Variants in CYP26A1 observed in about 807,000 individuals in gnomAD.
CYP26A1 encodes cytochrome P450 family 26 subfamily A member 1.
In CYP26A1, 46 loss-of-function variants were observed where a neutral mutation model predicts 47.4. The ratio of observed to expected loss-of-function variants is 0.97; its 90% CI spans 0.77 to 1.24. The LOEUF is 1.24. Among genes scored for constraint, CYP26A1 ranks in the 50% most tolerant of loss-of-function variants. The pLI is 0.00. For synonymous variants in CYP26A1, 277 were observed against 263.7 expected (o/e 1.05, Z -0.49); for missense variants, 680 against 644.4 (o/e 1.06, Z -0.60).
Position 93,074,318 on chromosome 10 carries a change from TC to T in CYP26A1, c.202del (p.Leu68CysfsTer3). 2 of 1,604,628 alleles carry T rather than the reference TC, an allele frequency of 1.2e-6. No homozygotes were observed. The highest frequency in any genetic ancestry group is 1.7e-6 in the Non-Finnish European group (2 of 1,172,332). On this transcript the variant is annotated frameshift_variant, in exon 2 of 7. Coordinates refer to ENST00000224356, the MANE Select transcript of CYP26A1 (RefSeq NM_000783.4). LOFTEE classifies it high-confidence loss of function. This position sits in a 1 kb window ranked among gnomAD's most constrained non-coding sequence, Gnocchi z 5.3. Reference sequence around the variant, plus strand: ...GCCTTCCTCCCACAGCGGAGGAAGTTCCTGCAGATGAAGCGCAGGAAATACG... The same window carrying T: ...GCCTTCCTCCCACAGCGGAGGAAGTTCTGCAGATGAAGCGCAGGAAATACG... ...TLQMVLQRRK[F>X]LQMKRRKYGF...
intron 6 of CYP26A1, 114 bp from the exon 7 acceptor site, chr10:93,076,849 A>G: frequency 2.2e-6 from 2 of 913,868 alleles, no homozygotes; most frequent in Middle Eastern, 3.4e-4. Context: ...CTCTCTTTCT[A>G]CCTCTCCCTT....
In CYP26A1 at chr10:93,075,201, C is replaced by G. The variant is rs777843007; in HGVS notation, c.758C>G (p.Ala253Gly). 40 of 1,613,778 alleles carry G rather than the reference C, an allele frequency of 2.5e-5. No individual in the cohort carries two copies. Among genetic ancestry groups the G allele is most frequent in the Non-Finnish European group, 3.4e-5 (40 of 1,179,976 alleles). ...IHARIEQNIR[A>G]KICGLRASEA... ...GCGCGCATCGAGCAGAACATTCGCGCCAAGATCTGCGGGCTGCGGGCATCC... is the reference window on the plus strand; with the variant it reads ...GCGCGCATCGAGCAGAACATTCGCGGCAAGATCTGCGGGCTGCGGGCATCC... Residue 253 changes from alanine (A) to glycine (G), a missense_variant, in exon 4 of 7, where the codon GCC (alanine) becomes GGC (glycine). Coordinates refer to ENST00000224356, the MANE Select transcript of CYP26A1 (RefSeq NM_000783.4).
chr10:93,075,103 G>T, intron 3 of CYP26A1, 34 bp downstream of exon 3: 1 of 1,610,884 alleles, frequency 6.2e-7, no homozygotes, highest in Non-Finnish European at 8.5e-7. Flanking sequence ...GACTAGGGGC[G>T]CGGGACCTGG....
At chr10:93,075,477 G>A (rs1415726234) in intron 4 of CYP26A1, among the ~76,000 whole-genome samples, 170 bp downstream of exon 4, 1 of 152,244 alleles carries the variant, frequency 6.6e-6, no homozygotes, top group Non-Finnish European at 1.5e-5. Context: ...CCGGTCAGGA[G>A]AGCTGCGGAA....
In CYP26A1 at chr10:93,074,625, G is replaced by C. The variant is rs1846944827; in HGVS notation, c.414+93G>C. On this transcript the variant is annotated intron_variant, in intron 2 of 6. Transcript: ENST00000224356. The surrounding 1 kb of genome is among the most constrained non-coding windows in gnomAD (Gnocchi z 5.3). ...GATGCTAGGCGCGGGCTAGCAGCTT[G>C]AGGTGGGCTAGGACCCTCTGCCAGC... is the stretch of plus-strand genomic sequence containing the variant. 2.8e-6 allele frequency: 3 copies of C among 1,085,310 alleles called. No individual in the cohort carries two copies. In the African/African-American group the frequency reaches 4.6e-5, roughly 17 times the overall value. 67.2% of individuals were successfully genotyped at this position (1,085,310 alleles called of 1,614,324 possible). A position where few individuals can be genotyped will look rare whatever the true frequency, so the allele number is the denominator to read the frequency against.
In CYP26A1 at chr10:93,075,193, C is replaced by T. The variant is rs781685169; in HGVS notation, c.750C>T (p.Asn250=). 3 of 1,613,766 alleles carry T rather than the reference C, an allele frequency of 1.9e-6. No individual in the cohort carries two copies. The highest frequency in any genetic ancestry group is 1.3e-5 in the African/African-American group (1 of 74,950). ...RNLIHARIEQ[N]IRAKICGLRA... The stretch of plus-strand genomic sequence containing the variant: ...TCATTCACGCGCGCATCGAGCAGAA[C>T]ATTCGCGCCAAGATCTGCGGGCTGC... Residue 250 remains asparagine, a synonymous_variant, in exon 4 of 7, where the codon AAC becomes AAT. Coordinates refer to ENST00000224356, the MANE Select transcript of CYP26A1 (RefSeq NM_000783.4).
chr10:93,075,619 T>C (rs1846967759), intron 4 of CYP26A1: 1 of 586,606 alleles, frequency 1.7e-6, no homozygotes, highest in Non-Finnish European at 3.0e-6. Flanking sequence ...GAGTTTCCGG[T>C]AGAGCGGGGT....
chr10:93,075,341 T>C, intron 4 of CYP26A1, 34 bp downstream of exon 4: 1 of 1,596,086 alleles, frequency 6.3e-7, no homozygotes, highest in Non-Finnish European at 8.6e-7. Context: ...CACTGCGGAG[T>C]TTGGTCCCCT....
chr10:93,074,740 G>T lies in CYP26A1; in HGVS notation c.415-39G>T, dbSNP rs372437578. Reference sequence around the variant, plus strand: ...GGGACGGCGGTAGACGAGAGGGGCGGATGGAGGCTTTTAACGCTGTCCCCT... The same window carrying T: ...GGGACGGCGGTAGACGAGAGGGGCGTATGGAGGCTTTTAACGCTGTCCCCT... On this transcript the variant is annotated intron_variant, in intron 2 of 6. Coordinates refer to ENST00000224356, the MANE Select transcript of CYP26A1 (RefSeq NM_000783.4). The surrounding 1 kb of genome is among the most constrained non-coding windows in gnomAD (Gnocchi z 5.3). 3 of 1,540,650 alleles carry T rather than the reference G, an allele frequency of 1.9e-6. No homozygotes were observed. In the African/African-American group the frequency reaches 4.1e-5, roughly 21 times the overall value.
rs1262821071 is a variant in CYP26A1, at chr10:93,074,994, T to A, written c.630T>A (p.Leu210=). The change falls in exon 3 of 7, where the codon CTT becomes CTA. Residue 210 remains leucine (L), a synonymous_variant. Coordinates refer to ENST00000224356, the MANE Select transcript of CYP26A1 (RefSeq NM_000783.4). The surrounding 1 kb of genome is among the most constrained non-coding windows in gnomAD (Gnocchi z 5.3). ...LAGDGDSEQQ[L]VEAFEEMTRN... ...GCGACGGGGACTCCGAGCAGCAGCT[T>A]GTGGAGGCCTTCGAGGAAATGACCC... 1 of 1,612,948 alleles carries A rather than the reference T, an allele frequency of 6.2e-7. No individual in the cohort carries two copies. The highest frequency in any genetic ancestry group is 1.3e-5 in the African/African-American group (1 of 74,932).
chr10:93,075,494 G>A (rs1196223669), intron 4 of CYP26A1, 187 bp downstream of exon 4: 21 of 630,806 alleles, frequency 3.3e-5, no homozygotes, highest in Non-Finnish European at 5.5e-5. Context: ...GGAAGGGGCT[G>A]CGGCGGAACT....
Position 93,074,862 on chromosome 10 carries a change from G to C in CYP26A1, c.498G>C (p.Gln166His). The C allele has an allele frequency of 3.1e-6, 5 of 1,612,710 alleles. No homozygotes were observed. Among genetic ancestry groups the C allele is most frequent in the Non-Finnish European group, 4.2e-6 (5 of 1,179,898 alleles). Residue 166 changes from glutamine (Q) to histidine (H), a missense_variant, in exon 3 of 7, where the codon CAG becomes CAC. Transcript: ENST00000224356. The surrounding 1 kb of genome is among the most constrained non-coding windows in gnomAD (Gnocchi z 5.3). ...AGGAAGTGGGCAGCAGCCTGGAGCA[G>C]TGGCTGAGCTGCGGCGAGCGCGGCC... ...ITEEVGSSLE[Q>H]WLSCGERGLL...
Position 93,075,940 on chromosome 10 carries a change from C to A in CYP26A1, c.979C>A (p.Arg327=), listed in dbSNP as rs1014855726. 13 of 1,612,404 alleles carry A rather than the reference C, an allele frequency of 8.1e-6. No individual in the cohort carries two copies. The highest frequency in any genetic ancestry group is 1.1e-5 in the Non-Finnish European group (13 of 1,178,564). ...CTACCCACATGTTCTCCAGAAAGTG[C>A]GAGAAGAGCTGAAGAGTAAGGTAGG... ...GLYPHVLQKV[R]EELKSKGLLC... is the part of the protein sequence containing the mutation. The change falls in exon 5 of 7, where the codon CGA becomes AGA. Residue 327 remains arginine (R), a synonymous_variant. Transcript: ENST00000224356.
chr10:93,075,303 T>G lies in CYP26A1; in HGVS notation c.860T>G (p.Met287Arg). ...HSWERGERLDMQALKQSSTEL... is the reference protein window; with the variant it reads ...HSWERGERLDRQALKQSSTEL... ...TGGGAGAGGGGAGAGCGGCTGGACA[T>G]GCAGGTGAGTAGCAGCTTCAGACCA... The change falls in exon 4 of 7, where the codon ATG (methionine) becomes AGG (arginine). Residue 287 changes from methionine (M) to arginine (R), a missense_variant. Physicochemically the swap from Met to Arg is moderately conservative, Grantham distance 91. Transcript: ENST00000224356. 18 of 1,613,540 alleles carry G rather than the reference T, an allele frequency of 1.1e-5. No homozygotes were observed. The highest frequency in any genetic ancestry group is 1.5e-5 in the Non-Finnish European group (18 of 1,179,648).
In CYP26A1 at chr10:93,077,037, C is replaced by T. The variant is rs1405765908; in HGVS notation, c.1227C>T (p.Thr409=). The part of the protein sequence containing the change: ...CDTHDVAEIF[T]NKEEFNPDRF... The stretch of plus-strand genomic sequence containing the variant: ...CTCATGATGTGGCAGAGATCTTCAC[C>T]AACAAGGAAGAATTTAATCCTGACC... The change falls in exon 7 of 7, where the codon ACC becomes ACT. Residue 409 remains threonine (T), a synonymous_variant. Coordinates refer to ENST00000224356, the MANE Select transcript of CYP26A1 (RefSeq NM_000783.4). 3.1e-6 allele frequency: 5 copies of T among 1,613,722 alleles called. No individual in the cohort carries two copies. Among genetic ancestry groups the T allele is most frequent in the Non-Finnish European group, 4.2e-6 (5 of 1,179,594 alleles).
Position 93,074,623 on chromosome 10 carries a change from T to C in CYP26A1, c.414+91T>C. The C allele has an allele frequency of 1.8e-6, 2 of 1,087,994 alleles. No homozygotes were observed. Among genetic ancestry groups the C allele is most frequent in the Non-Finnish European group, 2.8e-6 (2 of 714,834 alleles). 67.4% of individuals were successfully genotyped at this position (1,087,994 alleles called of 1,614,324 possible). The stretch of plus-strand genomic sequence containing the variant: ...TGGATGCTAGGCGCGGGCTAGCAGC[T>C]TGAGGTGGGCTAGGACCCTCTGCCA... On this transcript the variant is annotated intron_variant, in intron 2 of 6. Transcript: ENST00000224356. The surrounding 1 kb of genome is among the most constrained non-coding windows in gnomAD (Gnocchi z 5.3).
In CYP26A1 at chr10:93,075,883, G is replaced by A; in HGVS notation, c.922G>A (p.Ala308Thr). The change falls in exon 5 of 7, where the codon GCA becomes ACA. Residue 308 changes from alanine (A) to threonine (T), a missense_variant. Physicochemically the swap from Ala to Thr is moderately conservative, Grantham distance 58. Coordinates refer to ENST00000224356, the MANE Select transcript of CYP26A1 (RefSeq NM_000783.4). ...LFGGHETTAS[A>T]ATSLITYLGL... ...TGGAGGACACGAAACCACGGCCAGT[G>A]CAGCCACATCTCTGATCACTTACCT... is the stretch of plus-strand genomic sequence containing the variant. 6.2e-7 allele frequency: 1 copy of A among 1,610,568 alleles called. No individual in the cohort carries two copies. The highest frequency in any genetic ancestry group is 8.5e-7 in the Non-Finnish European group (1 of 1,176,764).
chr10:93,074,852 G>T lies in CYP26A1; in HGVS notation c.488G>T (p.Ser163Ile), dbSNP rs73319394. The stretch of plus-strand genomic sequence containing the variant: ...GTGATCACCGAGGAAGTGGGCAGCA[G>T]CCTGGAGCAGTGGCTGAGCTGCGGC... ...VPVITEEVGSSLEQWLSCGER... is the reference protein window; with the variant it reads ...VPVITEEVGSILEQWLSCGER... The change falls in exon 3 of 7, where the codon AGC becomes ATC. Residue 163 changes from serine to isoleucine, a missense_variant. Ser to Ile is a moderately radical substitution (Grantham distance 142). Coordinates refer to ENST00000224356, the MANE Select transcript of CYP26A1 (RefSeq NM_000783.4). The surrounding 1 kb of genome is among the most constrained non-coding windows in gnomAD (Gnocchi z 5.3). The T allele has an allele frequency of 1.9e-6, 3 of 1,612,462 alleles. No homozygotes were observed. The South Asian group carries it at 3.3e-5, about 18-fold the overall frequency.
chr10:93,076,703 T>TA lies in CYP26A1; in HGVS notation c.1152+11dup. The TA allele has an allele frequency of 1.3e-6, 2 of 1,585,644 alleles. No homozygotes were observed. Among genetic ancestry groups the TA allele is most frequent in the Non-Finnish European group, 1.7e-6 (2 of 1,164,100 alleles). ...GAAGACTTTTGAATTAAATGTAAGT[T>TA]AAAATTCTCTTCTTTCTCCCTTTTG... On this transcript the variant is annotated splice_region_variant and intron_variant, in intron 6 of 6. Transcript: ENST00000224356.
Sources: allele counts gnomAD v4.1 joint callset (sites outside exome capture counted in the v4.1 genomes callset), GRCh38; gene constraint gnomAD v4.1.1; non-coding constraint Gnocchi (gnomAD v3.1); transcripts MANE v1.5; gene names NCBI Gene and HGNC (gene_info 2026-07-23, HGNC 2026-07-21).